Variants in PCDHGB1 observed in about 807,000 individuals in gnomAD.
PCDHGB1 encodes protocadherin gamma subfamily B, 1, also known as protocadherin gamma-B1.
In PCDHGB1, 34 loss-of-function variants were observed where a neutral mutation model predicts 56.6. That is an observed-to-expected ratio of 0.60 (90% CI 0.46 to 0.80). The LOEUF (loss-of-function observed/expected upper bound fraction) is 0.80, where lower values mean the gene tolerates loss of function less well. Ranked by LOEUF, PCDHGB1 falls within the 30% of genes least tolerant of loss-of-function variation. The pLI, the probability that PCDHGB1 is intolerant of heterozygous loss-of-function variation, is 0.00. For missense variants in PCDHGB1, 1,278 were observed against 1,204.6 expected, an observed-to-expected ratio of 1.06 and a Z score of -0.90; for synonymous variants, 561 against 505.9, an observed-to-expected ratio of 1.11 and a Z score of -1.46.
chr5:141,419,240 G>A lies in PCDHGB1; in HGVS notation c.2409+66571G>A, dbSNP rs753956971. On this transcript the variant is annotated intron_variant, in intron 1 of 3. Coordinates refer to ENST00000523390, the MANE Select transcript of PCDHGB1 (RefSeq NM_018922.3). ...CGGACAGTCAGCCTACCTGGTCCAC[G>A]TGCCAGAAAACAACCAGCCGGGTGC... is the stretch of plus-strand genomic sequence containing the variant. 6.8e-6 allele frequency: 11 copies of A among 1,613,862 alleles called. No individual in the cohort carries two copies. The highest frequency in any genetic ancestry group is 1.7e-5 in the Admixed American group (1 of 60,018).
At chr5:141,409,516 C>T (rs1303826331) in intron 1 of PCDHGB1, 6 of 1,614,006 alleles carry the variant, frequency 3.7e-6, no homozygotes, top group South Asian at 1.1e-5. Context: ...GTAGAAGCAT[C>T]ACCTTGTATG....
chr5:141,370,854 C>G, intron 1 of PCDHGB1: 1 of 1,614,054 alleles, frequency 6.2e-7, no homozygotes, highest in Non-Finnish European at 8.5e-7. Context: ...CACATTTGCC[C>G]TGGAATCTGC....
chr5:141,415,980 T>C, intron 1 of PCDHGB1: 1 of 348,656 alleles, frequency 2.9e-6, no homozygotes, highest in Non-Finnish European at 4.8e-6. Context: ...TAAGCAACCC[T>C]CTTGTTCTGA....
chr5:141,399,910 G>C, intron 1 of PCDHGB1: 1 of 1,612,438 alleles, frequency 6.2e-7, no homozygotes, highest in Non-Finnish European at 8.5e-7. Context: ...CGCAGACTCA[G>C]GACACAACGC....
chr5:141,390,043 C>T, intron 1 of PCDHGB1: 2 of 1,614,064 alleles, frequency 1.2e-6, no homozygotes, highest in Non-Finnish European at 8.5e-7. Flanking sequence ...TCCAGCCCCG[C>T]CTCCTGGAGC....
intron 1 of PCDHGB1, chr5:141,355,214 C>A (rs1561508091): frequency 6.2e-7 from 1 of 1,601,954 alleles, no homozygotes; most frequent in Admixed American, 1.7e-5. Flanking sequence ...GCGGCGCCTC[C>A]TGCTCGCCCA....
intron 1 of PCDHGB1, among the ~76,000 whole-genome samples, chr5:141,438,764 C>A (rs963627140): frequency 6.7e-6 from 1 of 148,638 alleles, no homozygotes; most frequent in Non-Finnish European, 1.5e-5. Flanking sequence ...TGGGTTCAAG[C>A]GATTCTCCTG....
At chr5:141,367,515 A>C (rs998835316) in intron 1 of PCDHGB1, 2 of 151,238 alleles carry the variant, frequency 1.3e-5, no homozygotes, top group African/African-American at 2.4e-5. Flanking sequence ...CCAGCCTGGG[A>C]GACAGAACGA....
intron 1 of PCDHGB1, chr5:141,404,997 C>T: frequency 6.2e-7 from 1 of 1,614,034 alleles, no homozygotes; most frequent in East Asian, 2.2e-5. Flanking sequence ...CAGATCCCTG[C>T]AGACCTGGAG....
chr5:141,428,098 A>C (rs1387848300), intron 1 of PCDHGB1: 1 of 1,608,664 alleles, frequency 6.2e-7, no homozygotes, highest in South Asian at 1.1e-5. Context: ...CTGTCCTACC[A>C]CGTGCTGCAG....
chr5:141,408,824 C>T, intron 1 of PCDHGB1: 1 of 1,613,560 alleles, frequency 6.2e-7, no homozygotes, highest in South Asian at 1.1e-5. Context: ...ACAGAGATCT[C>T]ATAGCTTGAT....
chr5:141,494,996 C>A (rs2099758091), intron 2 of PCDHGB1, 131 bp downstream of exon 2: 2 of 1,539,742 alleles, frequency 1.3e-6, no homozygotes, highest in African/African-American at 1.4e-5. Context: ...CCAGGGAGGT[C>A]TTGGTGTGCG....
intron 1 of PCDHGB1, chr5:141,379,738 A>T (rs1218280067): frequency 1.3e-5 from 2 of 152,158 alleles, no homozygotes; most frequent in Non-Finnish European, 2.9e-5. Flanking sequence ...GTTATGGCTA[A>T]ATGAGGTTCT....
At chr5:141,398,061 A>G (rs541058758) in intron 1 of PCDHGB1, 863 of 1,544,254 alleles carry the variant, frequency 5.6e-4, no homozygotes, top group Middle Eastern at 1.5e-3. Flanking sequence ...CCAAAAATCT[A>G]CAATACAGAG....
chr5:141,350,286 T>C lies in PCDHGB1; in HGVS notation c.26T>C (p.Met9Thr), dbSNP rs1758439533. 1.3e-6 allele frequency: 2 copies of C among 1,510,806 alleles called. No individual in the cohort carries two copies. Among genetic ancestry groups the C allele is most frequent in the Middle Eastern group, 1.8e-4 (1 of 5,574 alleles). 93.6% of individuals were successfully genotyped at this position (1,510,806 alleles called of 1,614,324 possible). A position where few individuals can be genotyped will look rare whatever the true frequency, so the allele number is the denominator to read the frequency against. Residue 9 changes from methionine (M) to threonine (T), a missense_variant, in exon 1 of 4, where the codon ATG becomes ACG. Coordinates refer to ENST00000523390, the MANE Select transcript of PCDHGB1 (RefSeq NM_018922.3). The stretch of plus-strand genomic sequence containing the variant: ...ATGCAGAGAGCCAGAGAAGCCGAAA[T>C]GATGAAAAGTCAGGTACTGTTTCCC... MQRAREAEMMKSQVLFPFL... is the reference protein window; with the variant it reads MQRAREAETMKSQVLFPFL...
intron 1 of PCDHGB1, chr5:141,365,265 C>T: frequency 1.2e-6 from 2 of 1,613,964 alleles, no homozygotes; most frequent in African/African-American, 1.3e-5. Context: ...TATGAAGAAT[C>T]CAGATTCTAC....
rs776677714 is a variant in PCDHGB1 at position 141,419,329 on chromosome 5, T to C, written c.2409+66660T>C. The C allele has an allele frequency of 7.4e-6, 12 of 1,613,842 alleles. 2 individuals carry two copies. The South Asian group carries it at 1.3e-4, about 18-fold the overall frequency. On this transcript the variant is annotated intron_variant, in intron 1 of 3. Coordinates refer to ENST00000523390, the MANE Select transcript of PCDHGB1 (RefSeq NM_018922.3). The stretch of plus-strand genomic sequence containing the variant: ...GGCTCAACGGCCGTGTCTCCTACTC[T>C]CTCATTGCCAGCGACCTGGAGTCAC...
intron 1 of PCDHGB1, among the ~76,000 whole-genome samples, chr5:141,363,489 G>T (rs527713063): frequency 1.3e-5 from 2 of 152,304 alleles, no homozygotes; most frequent in Non-Finnish European, 1.5e-5. Flanking sequence ...CATGGATGAT[G>T]AAATAAAACC....
At position 141,351,989 on chromosome 5, in the gene PCDHGB1, G is replaced by C; in HGVS notation, c.1729G>C (p.Ala577Pro). ...GSALFDMVPRAAEPGYLVTKV... is the reference protein window; with the variant it reads ...GSALFDMVPRPAEPGYLVTKV... ...CGCCCTCTTCGATATGGTGCCACGC[G>C]CCGCAGAGCCCGGCTACCTGGTGAC... Residue 577 changes from alanine to proline, a missense_variant, in exon 1 of 4, where the codon GCC (alanine) becomes CCC (proline). Physicochemically the swap from Ala to Pro is conservative, Grantham distance 27. Transcript: ENST00000523390. 1 of 1,611,288 alleles carries C rather than the reference G, an allele frequency of 6.2e-7. No individual in the cohort carries two copies. The highest frequency in any genetic ancestry group is 2.2e-5 in the East Asian group (1 of 44,838).
Sources: gnomAD v4.1 joint callset for allele counts (sites outside exome capture counted in the v4.1 genomes callset) on GRCh38, gnomAD v4.1.1 for gene constraint, MANE v1.5 for transcripts, NCBI Gene and HGNC (gene_info 2026-07-23, HGNC 2026-07-21) for gene names.